SNX13: variants seen among roughly 807,000 people sequenced by gnomAD.
SNX13 encodes the protein sorting nexin 13, also known as sorting nexin-13.
Under a neutral mutation model 133.6 loss-of-function variants are expected in SNX13, and 45 were observed. The ratio of observed to expected loss-of-function variants is 0.34; its 90% confidence interval spans 0.27 to 0.43. SNX13 has a LOEUF of 0.43. Among genes scored for constraint, SNX13 ranks in the 20% least tolerant of loss-of-function variants. The probability of loss-of-function intolerance (pLI) is 1.00; values close to 1 mark genes in which losing one functional copy is unlikely to be tolerated. For missense variants in SNX13, 1,032 were observed against 1,145.1 expected (o/e 0.90, Z 1.43); for synonymous variants, 414 against 373.9 (o/e 1.11, Z -1.24).
intron 19 of SNX13, 113 bp from the exon 20 acceptor site, chr7:17,815,057 T>C (rs1786506869): frequency 3.4e-6 from 4 of 1,163,860 alleles, no homozygotes; most frequent in South Asian, 5.0e-5. Flanking sequence ...GTAAAAAATA[T>C]TGATTTATAT....
intron 9 of SNX13, among the ~76,000 whole-genome samples, chr7:17,867,299 T>G (rs371178510): frequency 1.3e-5 from 2 of 152,178 alleles, no homozygotes. Flanking sequence ...GGTAAACCTT[T>G]GCAACAACAA....
At chr7:17,836,225 A>G (rs1029254546) in intron 13 of SNX13, among the ~76,000 whole-genome samples, 1 of 151,996 alleles carries the variant, frequency 6.6e-6, no homozygotes, top group Non-Finnish European at 1.5e-5. Flanking sequence ...TACAAAAATA[A>G]TACTTATATG....
At chr7:17,880,886 G>C (rs888728115) in intron 5 of SNX13, 9 of 152,144 alleles carry the variant, frequency 5.9e-5, no homozygotes, top group African/African-American at 2.2e-4. Flanking sequence ...ATTTATATGG[G>C]AGAAGAAAGG....
intron 1 of SNX13, among the ~76,000 whole-genome samples, chr7:17,937,726 G>C (rs1329094456): frequency 6.6e-6 from 1 of 152,062 alleles, no homozygotes; most frequent in Non-Finnish European, 1.5e-5. Flanking sequence ...ACACAATGTG[G>C]AATAAGAGGA....
chr7:17,809,219 T>C (rs2128293636), intron 20 of SNX13, among the ~76,000 whole-genome samples: 1 of 128,000 alleles, frequency 7.8e-6, no homozygotes, highest in Non-Finnish European at 1.5e-5. Context: ...CCATCTCACA[T>C]GCAAAGACAC....
At chr7:17,933,802 A>C (rs1187744090) in intron 1 of SNX13, among the ~76,000 whole-genome samples, 1 of 124,434 alleles carries the variant, frequency 8.0e-6, no homozygotes, top group Admixed American at 8.1e-5. Context: ...AATATACAGA[A>C]AAAAAAAAAA....
At chr7:17,859,626 A>G (rs919322859) in intron 9 of SNX13, among the ~76,000 whole-genome samples, 1 of 152,112 alleles carries the variant, frequency 6.6e-6, no homozygotes, top group African/African-American at 2.4e-5. Flanking sequence ...GAGTTCTCTG[A>G]TCTTTTATGT....
At position 17,815,419 on chromosome 7, in the gene SNX13, C is replaced by CA. The variant is rs1164295272; in HGVS notation, c.1954-476dup. ...GCAACAAAGCAAAACCCCATCTCTA[C>CA]AAAAAAATTTAAAACATTAGCCAGG... On this transcript the variant is annotated intron_variant, in intron 19 of 25. Coordinates refer to ENST00000428135, the MANE Select transcript of SNX13 (RefSeq NM_015132.5). Among the ~76,000 whole-genome samples the CA allele has an allele frequency of 2.6e-5, 4 of 152,076 alleles. No homozygotes were observed. In the East Asian group the frequency reaches 7.7e-4, roughly 29 times the overall value.
intron 5 of SNX13, 140 bp downstream of exon 5, chr7:17,890,223 T>A: frequency 1.4e-6 from 1 of 705,256 alleles, no homozygotes; most frequent in Non-Finnish European, 2.1e-6. Flanking sequence ...AGTTGTAAAA[T>A]CTTGGAGTTA....
At position 17,935,946 on chromosome 7, in the gene SNX13, C is replaced by G. The variant is rs1331387952; in HGVS notation, c.12+4338G>C. On this transcript the variant is annotated intron_variant, in intron 1 of 25. Coordinates refer to ENST00000428135, the MANE Select transcript of SNX13 (RefSeq NM_015132.5). ...AACAAAACCAAGTCATAATATTTTA[C>G]TAAGCACTTATGGGCAAGACAACTG... Among the ~76,000 whole-genome samples, 3 of 152,154 alleles carry G rather than the reference C, an allele frequency of 2.0e-5. No individual in the cohort carries two copies. In the East Asian group the frequency reaches 5.8e-4, roughly 29 times the overall value.
chr7:17,879,419 T>C (rs1212294438), intron 5 of SNX13: 1 of 152,254 alleles, frequency 6.6e-6, no homozygotes, highest in Non-Finnish European at 1.5e-5. Context: ...AAAGTAATGA[T>C]TCAAACATTA....
intron 13 of SNX13, among the ~76,000 whole-genome samples, chr7:17,836,104 C>G (rs74444159): frequency 1.5e-3 from 222 of 151,998 alleles, no homozygotes; most frequent in African/African-American, 5.3e-3. Context: ...TCCTATATAT[C>G]TCAAGTATAC....
rs1169368384 is a variant in SNX13, at chr7:17,805,242, TGTGTGTGTGC to T, written c.2065-1672_2065-1663del. ...GTGTGTGTGTGTGTGTGTGTGTGTG[TGTGTGTGTGC>T]GTGCGCGCGCGCGCATGCATGCACA... is the stretch of plus-strand genomic sequence containing the variant. On this transcript the variant is annotated intron_variant, in intron 20 of 25. Coordinates refer to ENST00000428135, the MANE Select transcript of SNX13 (RefSeq NM_015132.5). Among the ~76,000 whole-genome samples, 87 of 109,482 alleles carry T rather than the reference TGTGTGTGTGC, an allele frequency of 7.9e-4. 2 individuals carry two copies. Among genetic ancestry groups the T allele is most frequent in the East Asian group, 5.1e-3 (22 of 4,322 alleles). The allele number at this position is 109,482 out of a possible 152,430, so 71.8% of individuals were successfully genotyped here.
intron 16 of SNX13, among the ~76,000 whole-genome samples, chr7:17,826,588 G>A (rs1485606845): frequency 1.3e-5 from 2 of 151,956 alleles, no homozygotes; most frequent in African/African-American, 2.4e-5. Context: ...GATTAAATAA[G>A]ACATGTAAGA....
Position 17,794,026 on chromosome 7 carries a change from A to G in SNX13, c.*19T>C. 1 of 1,607,744 alleles carries G rather than the reference A, an allele frequency of 6.2e-7. No homozygotes were observed. ...ATTAGTCCTGGACAAAATGAACACC[A>G]GCTTCATAGAGTGGAGTGTCACCTT... On this transcript the variant is annotated 3_prime_UTR_variant, in exon 26 of 26. Transcript: ENST00000428135.
intron 15 of SNX13, chr7:17,830,943 A>G: frequency 1.0e-6 from 1 of 984,494 alleles, no homozygotes; most frequent in Non-Finnish European, 1.2e-6. Flanking sequence ...CTAAATGCTC[A>G]AGAACATTTC....
At chr7:17,818,814 A>C (rs1487592745) in intron 18 of SNX13, among the ~76,000 whole-genome samples, 4 of 152,252 alleles carry the variant, frequency 2.6e-5, no homozygotes, top group African/African-American at 9.6e-5. Context: ...GAAAATTTAA[A>C]GAACAGATGT....
rs757124543 is a variant in SNX13, at chr7:17,875,559, A to G, written c.585T>C (p.Asp195=). 5 of 1,611,944 alleles carry G rather than the reference A, an allele frequency of 3.1e-6. No individual in the cohort carries two copies. Among genetic ancestry groups the G allele is most frequent in the East Asian group, 4.5e-5 (2 of 44,798 alleles). The part of the protein sequence containing the change: ...QVKGTAEDLV[D]TFFEVEVEME... ...TTTCAACTTCAACTTCAAAGAAGGT[A>G]TCTACAAGATCTTCTGCTGTACCTA... The change falls in exon 7 of 26, where the codon GAT becomes GAC. Residue 195 remains aspartate, a synonymous_variant. Coordinates refer to ENST00000428135, the MANE Select transcript of SNX13 (RefSeq NM_015132.5).
At chr7:17,839,728 G>T in intron 13 of SNX13, 79 bp downstream of exon 13, 3 of 1,158,502 alleles carry the variant, frequency 2.6e-6, no homozygotes, top group East Asian at 2.6e-5. Context: ...GAGGTAGTCA[G>T]CCTGGCATAA....
Sources: gnomAD v4.1 joint callset for allele counts (sites outside exome capture counted in the v4.1 genomes callset) on GRCh38, gnomAD v4.1.1 for gene constraint, MANE v1.5 for transcripts, NCBI Gene and HGNC (gene_info 2026-07-23, HGNC 2026-07-21) for gene names.